DNHD1: variants seen among roughly 807,000 people sequenced by gnomAD.
DNHD1 encodes the protein dynein heavy chain domain 1.
In DNHD1, 383 loss-of-function variants were observed where a neutral mutation model predicts 458.1. That is an observed-to-expected ratio of 0.84 (90% confidence interval 0.77 to 0.91). The LOEUF (loss-of-function observed/expected upper bound fraction) is 0.91, where lower values mean the gene tolerates loss of function less well. Ranked by LOEUF, DNHD1 falls within the 40% of genes least tolerant of loss-of-function variation. The probability of loss-of-function intolerance (pLI) is 0.00; values close to 1 mark genes in which losing one functional copy is unlikely to be tolerated. For missense variants in DNHD1, 5,336 were observed against 5,866.1 expected (o/e 0.91, Z 2.95); for synonymous variants, 2,203 against 2,376.9 (o/e 0.93, Z 2.13).
intron 34 of DNHD1, 73 bp downstream of exon 34, chr11:6,566,466 G>A (rs925651082): frequency 3.2e-6 from 5 of 1,544,602 alleles, no homozygotes; most frequent in Non-Finnish European, 4.4e-6. Context: ...CCCTAAGAGG[G>A]CTTCACTCAA....
In DNHD1 at chr11:6,548,022, G is replaced by A; in HGVS notation, c.6887G>A (p.Gly2296Glu). 6.4e-7 allele frequency: 1 copy of A among 1,551,692 alleles called. No individual in the cohort carries two copies. Among genetic ancestry groups the A allele is most frequent in the Non-Finnish European group, 8.7e-7 (1 of 1,146,998 alleles). ...SFLFALIWGF[G>E]AHLPSRFWPI... is the part of the protein sequence containing the mutation. ...CTTTTTGCCTTGATCTGGGGCTTTG[G>A]AGCCCACCTTCCCTCCAGGTACCTA... is the stretch of plus-strand genomic sequence containing the variant. The change falls in exon 22 of 43, where the codon GGA (glycine) becomes GAA (glutamate). Residue 2296 changes from glycine (G) to glutamate (E), a missense_variant. Gly to Glu is a moderately conservative substitution (Grantham distance 98, BLOSUM62 -2). Around this residue, in one of 4 missense-constraint regions of DNHD1, gnomAD observed 3,932 missense variants for 4,365.6 expected, o/e 0.90. Coordinates refer to ENST00000254579, the MANE Select transcript of DNHD1 (RefSeq NM_144666.3). This position sits in a 1 kb window ranked among gnomAD's most constrained non-coding sequence, Gnocchi z 4.4.
rs1347332044 is a variant in DNHD1 at position 6,557,911 on chromosome 11, G to A, written c.8616G>A (p.Val2872=). 6 of 1,551,312 alleles carry A rather than the reference G, an allele frequency of 3.9e-6. No individual in the cohort carries two copies. The highest frequency in any genetic ancestry group is 2.4e-5 in the East Asian group (1 of 40,894). Residue 2872 remains valine, a synonymous_variant, in exon 25 of 43, where the codon GTG becomes GTA. Transcript: ENST00000254579. ...GGTGTCATTCCATGGCCCAGCACGT[G>A]GCCCGCCTGGTCCGGGTGCTGGCCA... is the stretch of plus-strand genomic sequence containing the variant. The part of the protein sequence containing the change: ...LARCHSMAQH[V]ARLVRVLARP...
intron 6 of DNHD1, among the ~76,000 whole-genome samples, chr11:6,510,443 AC>A (rs1486112462): frequency 6.6e-6 from 1 of 152,062 alleles, no homozygotes; most frequent in African/African-American, 2.4e-5. Context: ...ATTTTGAAAA[AC>A]TTTTCCATCT....
At chr11:6,521,206 A>G (rs1034270478) in intron 10 of DNHD1, among the ~76,000 whole-genome samples, 3 of 152,262 alleles carry the variant, frequency 2.0e-5, no homozygotes, top group Admixed American at 2.0e-4. Context: ...AAAAGAGATA[A>G]TATGTCTAGT....
At chr11:6,565,579 C>T in intron 32 of DNHD1, 116 bp from the exon 33 acceptor site, 1 of 1,162,600 alleles carries the variant, frequency 8.6e-7, no homozygotes, top group Non-Finnish European at 1.2e-6. Flanking sequence ...AAGCAACTTT[C>T]CTAAGATGTC....
chr11:6,499,965 ATTT>A (rs11361429), intron 3 of DNHD1, among the ~76,000 whole-genome samples: 1 of 142,668 alleles, frequency 7.0e-6, no homozygotes, highest in African/African-American at 2.6e-5. Context: ...CTAACTTTCG[ATTT>A]TTTTTTTTTT....
Position 6,545,042 on chromosome 11 carries a change from TA to T in DNHD1, c.4104del (p.Ala1369ProfsTer26). 1 of 1,551,892 alleles carries T rather than the reference TA, an allele frequency of 6.4e-7. No individual in the cohort carries two copies. Among genetic ancestry groups the T allele is most frequent in the Non-Finnish European group, 8.7e-7 (1 of 1,147,026 alleles). The stretch of plus-strand genomic sequence containing the variant: ...TTCTTCCTTAGTGACAGTGAGCTGG[TA>T]GCCCTGCTGGCTGCTCGACTGGAAT... ...RLFFLSDSEL[V>X]ALLAARLESC... On this transcript the variant is annotated frameshift_variant, in exon 21 of 43. Coordinates refer to ENST00000254579, the MANE Select transcript of DNHD1 (RefSeq NM_144666.3). The surrounding 1 kb of genome is among the most constrained non-coding windows in gnomAD (Gnocchi z 4.9).
rs1419947481 is a variant in DNHD1, at chr11:6,528,907, C to G, written c.2133C>G (p.Cys711Trp). Residue 711 changes from cysteine (C) to tryptophan (W), a missense_variant, in exon 12 of 43, where the codon TGC (cysteine) becomes TGG (tryptophan). Physicochemically the swap from Cys to Trp is radical, Grantham distance 215. This residue lies in a region of DNHD1 where 3,932 missense variants were observed against 4,365.6 expected (regional missense o/e 0.90). Transcript: ENST00000254579. ...EGVLCKVQEF[C>W]REHHWITGIY... ...TGCTGTGCAAGGTGCAGGAATTCTG[C>G]AGGGAACATCATTGGATAACAGGCA... 6.4e-7 allele frequency: 1 copy of G among 1,551,598 alleles called. No individual in the cohort carries two copies. Among genetic ancestry groups the G allele is most frequent in the African/African-American group, 1.4e-5 (1 of 73,066 alleles).
intron 14 of DNHD1, 78 bp from the exon 15 acceptor site, chr11:6,538,305 G>T (rs1853008526): frequency 1.4e-5 from 20 of 1,404,152 alleles, no homozygotes; most frequent in Non-Finnish European, 1.9e-5. Context: ...TGTCATTATG[G>T]GCTCTTGACT....
intron 36 of DNHD1, 39 bp downstream of exon 36, chr11:6,567,899 C>G (rs756883361): frequency 1.9e-6 from 3 of 1,555,360 alleles, no homozygotes; most frequent in Non-Finnish European, 2.6e-6. Flanking sequence ...TGACCAGGCT[C>G]CTGTGGGCTG....
rs1178734012 is a variant in DNHD1, at chr11:6,571,268, T to C, written c.13756T>C (p.Phe4586Leu). ...AGAGCGCGTCTTCCACCTGTCAGCC[T>C]TTCGCCACCCGCGCCGCCTGCTGCT... The part of the protein sequence containing the change: ...VPERVFHLSA[F>L]RHPRRLLLAL... Residue 4586 changes from phenylalanine (F) to leucine (L), a missense_variant, in exon 42 of 43, where the codon TTT (phenylalanine) becomes CTT (leucine). This residue lies in a region of DNHD1 where 698 missense variants were observed against 664.9 expected (regional missense o/e 1.05). Coordinates refer to ENST00000254579, the MANE Select transcript of DNHD1 (RefSeq NM_144666.3). The surrounding 1 kb of genome is among the most constrained non-coding windows in gnomAD (Gnocchi z 5.0). The C allele has an allele frequency of 1.2e-6, 2 of 1,612,386 alleles. No homozygotes were observed. The highest frequency in any genetic ancestry group is 1.7e-6 in the Non-Finnish European group (2 of 1,179,664).
chr11:6,570,082 G>A lies in DNHD1; in HGVS notation c.12937G>A (p.Ala4313Thr). ...GGCAAGTCTTAGCAATCCCCGTGCT[G>A]CCATGCAAGAGCTGGCTGGTGAGAC... ...LWASLSNPRA[A>T]MQELAASVFY... Residue 4313 changes from alanine to threonine, a missense_variant, in exon 40 of 43, where the codon GCC (alanine) becomes ACC (threonine). Ala to Thr is a moderately conservative substitution (Grantham distance 58). Around this residue, in one of 4 missense-constraint regions of DNHD1, gnomAD observed 698 missense variants for 664.9 expected, o/e 1.05. Transcript: ENST00000254579. The A allele has an allele frequency of 1.2e-6, 2 of 1,613,950 alleles. No homozygotes were observed. The highest frequency in any genetic ancestry group is 1.3e-5 in the African/African-American group (1 of 75,038).
chr11:6,564,816 T>C lies in DNHD1; in HGVS notation c.10756+12T>C, dbSNP rs1411103038. The C allele has an allele frequency of 6.7e-7, 1 of 1,492,464 alleles. No homozygotes were observed. The highest frequency in any genetic ancestry group is 1.4e-5 in the African/African-American group (1 of 71,284). The allele number at this position is 1,492,464 out of a possible 1,614,324, so 92.5% of individuals were successfully genotyped here. A position where few individuals can be genotyped will look rare whatever the true frequency, so the allele number is the denominator to read the frequency against. On this transcript the variant is annotated intron_variant, in intron 32 of 42. Transcript: ENST00000254579. Reference sequence around the variant, plus strand: ...CACTGAGGGTAGAGGTAAGCAGGCATAATAAATGCAATGCTTCCGGAGTAT... The same window carrying C: ...CACTGAGGGTAGAGGTAAGCAGGCACAATAAATGCAATGCTTCCGGAGTAT...
Position 6,564,604 on chromosome 11 carries a change from A to C in DNHD1, c.10556A>C (p.Glu3519Ala), listed in dbSNP as rs372025980. 7.1e-6 allele frequency: 11 copies of C among 1,551,692 alleles called. No homozygotes were observed. The African/African-American group carries it at 1.5e-4, about 21-fold the overall frequency. Residue 3519 changes from glutamate (E) to alanine (A), a missense_variant, in exon 32 of 43, where the codon GAG becomes GCG. This residue lies in a region of DNHD1 where 3,932 missense variants were observed against 4,365.6 expected (regional missense o/e 0.90). Coordinates refer to ENST00000254579, the MANE Select transcript of DNHD1 (RefSeq NM_144666.3). ...CTGTCCTTGCTGAGCTCTGAATCGG[A>C]GCAGTACCAGTGGGATGGAAACCTG... Reference protein sequence around the residue: ...SILSLLSSESEQYQWDGNLKP... With the variant: ...SILSLLSSESAQYQWDGNLKP...
At chr11:6,539,083 G>T in intron 16 of DNHD1, 136 bp from the exon 17 acceptor site, 1 of 687,010 alleles carries the variant, frequency 1.5e-6, no homozygotes. Context: ...CTAAGCTGTT[G>T]GCTCTGTGTT....
At position 6,571,494 on chromosome 11, in the gene DNHD1, C is replaced by T; in HGVS notation, c.13911+71C>T. ...TCTCTAATTACACCTCGCAGTTACC[C>T]CTTCTTGGTGATCTTGCCCCCGGTA... is the stretch of plus-strand genomic sequence containing the variant. On this transcript the variant is annotated intron_variant, in intron 42 of 42. Transcript: ENST00000254579. This position sits in a 1 kb window ranked among gnomAD's most constrained non-coding sequence, Gnocchi z 5.0. 2 of 1,475,128 alleles carry T rather than the reference C, an allele frequency of 1.4e-6. No homozygotes were observed. Among genetic ancestry groups the T allele is most frequent in the Non-Finnish European group, 1.8e-6 (2 of 1,106,092 alleles). The allele number at this position is 1,475,128 out of a possible 1,614,324, so 91.4% of individuals were successfully genotyped here. A position where few individuals can be genotyped will look rare whatever the true frequency, so the allele number is the denominator to read the frequency against.
At chr11:6,555,292 C>G (rs1853438569) in intron 24 of DNHD1, among the ~76,000 whole-genome samples, 1 of 151,962 alleles carries the variant, frequency 6.6e-6, no homozygotes, top group African/African-American at 2.4e-5. Context: ...GGATGGAGGA[C>G]TGATCTCCCG....
chr11:6,528,200 A>G (rs948149977), intron 10 of DNHD1, among the ~76,000 whole-genome samples: 4 of 152,226 alleles, frequency 2.6e-5, no homozygotes, highest in African/African-American at 9.6e-5. Context: ...CTAGATGCTC[A>G]ACCTTGAGTG....
intron 7 of DNHD1, among the ~76,000 whole-genome samples, chr11:6,512,301 A>C (rs979410937): frequency 3.6e-5 from 5 of 139,498 alleles, no homozygotes; most frequent in Non-Finnish European, 7.5e-5. Context: ...GCTCACTGCA[A>C]GCTCTGCCTT....
Sources: gnomAD v4.1 joint callset for allele counts (sites outside exome capture counted in the v4.1 genomes callset) on GRCh38, gnomAD v4.1.1 for gene constraint, gnomAD v4.1.1 regional missense constraint, Gnocchi (gnomAD v3.1) non-coding constraint, MANE v1.5 for transcripts, NCBI Gene and HGNC (gene_info 2026-07-23, HGNC 2026-07-21) for gene names.